The following SYT14 variants were observed in gnomAD, a reference collection of about 807,000 sequenced individuals.
The protein encoded by SYT14 is synaptotagmin-14.
In SYT14, 32 loss-of-function variants were observed where a neutral mutation model predicts 74.2. The observed-to-expected ratio is 0.43, with a 90% CI of 0.33 to 0.58. The LOEUF (loss-of-function observed/expected upper bound fraction) is 0.58. SYT14 is among the 20% of genes least tolerant of loss of function. The pLI, the probability that SYT14 is intolerant of heterozygous loss-of-function variation, is 0.05. For missense variants in SYT14, 791 were observed against 981.8 expected (o/e 0.81, Z 2.60); for synonymous variants, 298 against 337.7 (o/e 0.88, Z 1.29).
intron 5 of SYT14, among the ~76,000 whole-genome samples, chr1:210,088,732 C>T (rs947606678): frequency 1.3e-5 from 2 of 151,848 alleles, no homozygotes; most frequent in Non-Finnish European, 2.9e-5. Flanking sequence ...TTGTTAACTT[C>T]TTGAAGTGGA....
At chr1:210,025,498 A>G (rs1432644975) in intron 5 of SYT14, among the ~76,000 whole-genome samples, 2 of 152,206 alleles carry the variant, frequency 1.3e-5, no homozygotes, top group African/African-American at 4.8e-5. Flanking sequence ...CAGTTTTTAC[A>G]TGGCATAATA....
intron 5 of SYT14, among the ~76,000 whole-genome samples, chr1:210,033,604 T>G (rs569824961): frequency 1.3e-5 from 2 of 151,946 alleles, no homozygotes; most frequent in African/African-American, 4.8e-5. Context: ...AAGATCAGAT[T>G]ATATTTCAGT....
intron 1 of SYT14, among the ~76,000 whole-genome samples, chr1:209,950,687 G>GT (rs1432957188): frequency 1.3e-5 from 2 of 152,064 alleles, no homozygotes; most frequent in Non-Finnish European, 2.9e-5. Context: ...CTATTTTCTA[G>GT]TTTTTTTAGC....
chr1:210,040,730 T>G (rs995383543), intron 5 of SYT14, among the ~76,000 whole-genome samples: 2 of 152,176 alleles, frequency 1.3e-5, no homozygotes, highest in African/African-American at 4.8e-5. Flanking sequence ...CCTAAAGTCA[T>G]TTAGTCAGGA....
At chr1:210,026,084 T>G (rs1464519063) in intron 5 of SYT14, among the ~76,000 whole-genome samples, 2 of 152,056 alleles carry the variant, frequency 1.3e-5, no homozygotes, top group Non-Finnish European at 2.9e-5. Flanking sequence ...GTGGCCATAT[T>G]AATCTTCTGG....
rs375046637 is a variant in SYT14, at chr1:210,000,466, G to GCACACACACACACACA, written c.-485-13148_-485-13133dup. 1.0e-2 allele frequency among the ~76,000 whole-genome samples: 1,427 copies of GCACACACACACACACA among 143,150 alleles called. 25 individuals carry two copies. The highest frequency in any genetic ancestry group is 0.036 in the African/African-American group (1,344 of 37,820). The allele number at this position is 143,150 out of a possible 152,430, so 93.9% of individuals were successfully genotyped here. On this transcript the variant is annotated intron_variant, in intron 2 of 9. Coordinates refer to ENST00000637265, the Ensembl canonical transcript of SYT14. The stretch of plus-strand genomic sequence containing the variant: ...TTATTTTAGTCCTTTGTCCTCATAC[G>GCACACACACACACACA]CACACACACACACACACACACACAC...
chr1:210,056,199 T>A (rs1370202550), intron 5 of SYT14, among the ~76,000 whole-genome samples: 4 of 152,108 alleles, frequency 2.6e-5, no homozygotes, highest in Admixed American at 2.6e-4. Context: ...ATTTCCAACA[T>A]TTATCCTTAT....
At chr1:209,982,666 A>C (rs7512760) in intron 2 of SYT14, among the ~76,000 whole-genome samples, 21,289 of 152,246 alleles carry the variant, frequency 0.14, 4,643 homozygotes, top group African/African-American at 0.47. Flanking sequence ...ATCAATGTAC[A>C]CATTTTTGTG....
intron 7 of SYT14, among the ~76,000 whole-genome samples, chr1:210,133,936 A>G: frequency 6.6e-6 from 1 of 151,730 alleles, no homozygotes; most frequent in East Asian, 1.9e-4. Flanking sequence ...TGGCATTCCA[A>G]AGTAGGGAAG....
intron 5 of SYT14, among the ~76,000 whole-genome samples, chr1:210,080,981 A>T (rs748950733): frequency 2.0e-5 from 3 of 152,184 alleles, no homozygotes; most frequent in Non-Finnish European, 4.4e-5. Flanking sequence ...AACTTACCCA[A>T]GTAAAAAGGA....
At chr1:209,976,581 A>T (rs1225573131) in intron 2 of SYT14, among the ~76,000 whole-genome samples, 3 of 151,228 alleles carry the variant, frequency 2.0e-5, no homozygotes, top group African/African-American at 7.3e-5. Flanking sequence ...GTTTGTTATA[A>T]TTTCTGTTCT....
chr1:210,052,052 T>C (rs574324580), intron 5 of SYT14, among the ~76,000 whole-genome samples: 6 of 152,334 alleles, frequency 3.9e-5, no homozygotes, highest in Middle Eastern at 6.8e-3. Context: ...CTGAAGTCAA[T>C]CAGGAACACA....
At chr1:209,981,445 CTTTTCTTTTTTTTTTT>C (rs1356434153) in intron 2 of SYT14, among the ~76,000 whole-genome samples, 3 of 86,126 alleles carry the variant, frequency 3.5e-5, no homozygotes, top group Non-Finnish European at 5.0e-5. Context: ...TTTTCTTTTT[CTTTTCTTTTTTTTTTT>C]TTTTTTTTGA....
At chr1:209,953,083 C>A (rs1486632492) in intron 2 of SYT14, 1 of 1,324,230 alleles carries the variant, frequency 7.6e-7, no homozygotes, top group African/African-American at 1.5e-5. Flanking sequence ...ATGCTGATCT[C>A]CCATTGACTT....
intron 7 of SYT14, among the ~76,000 whole-genome samples, chr1:210,111,857 T>C (rs2082268815): frequency 6.6e-6 from 1 of 151,266 alleles, no homozygotes; most frequent in Non-Finnish European, 1.5e-5. Flanking sequence ...TTGGCAAGTT[T>C]TTGGGTTCTA....
At chr1:209,964,667 CATG>C (rs1238133074) in intron 2 of SYT14, among the ~76,000 whole-genome samples, 1 of 152,120 alleles carries the variant, frequency 6.6e-6, no homozygotes, top group East Asian at 1.9e-4. Flanking sequence ...CTCTCCCTAT[CATG>C]AGGGGTCACA....
At chr1:210,159,792 T>C (rs2083337023) in intron 9 of SYT14, among the ~76,000 whole-genome samples, 1 of 152,200 alleles carries the variant, frequency 6.6e-6, no homozygotes, top group Non-Finnish European at 1.5e-5. Flanking sequence ...TAATTGAAAT[T>C]TTGATATGAA....
intron 5 of SYT14, among the ~76,000 whole-genome samples, chr1:210,063,022 T>TG (rs1491330816): frequency 1.2e-4 from 5 of 41,494 alleles, no homozygotes; most frequent in Non-Finnish European, 2.4e-4. Context: ...TTTTTTCTAG[T>TG]TTTTTTTTTT....
intron 5 of SYT14, among the ~76,000 whole-genome samples, chr1:210,038,076 C>CTTCTT (rs3031259): frequency 0.57 from 85,499 of 151,244 alleles, 26,335 homozygotes; most frequent in African/African-American, 0.82. Context: ...CTGTCTGTCT[C>CTTCTT]AGATCTAGTT....
Sources: gnomAD v4.1 joint callset for allele counts (sites outside exome capture counted in the v4.1 genomes callset) on GRCh38, gnomAD v4.1.1 for gene constraint, MANE v1.5 for transcripts, NCBI Gene and HGNC (gene_info 2026-07-23, HGNC 2026-07-21) for gene names.